RPTOR: variants seen among roughly 807,000 people sequenced by gnomAD.
RPTOR encodes the protein regulatory associated protein of MTOR complex 1.
A neutral mutation model predicts 169.9 loss-of-function variants in RPTOR; 21 were observed. That is an observed-to-expected ratio of 0.12 (90% confidence interval 0.09 to 0.18). The LOEUF is 0.18. Ranked by LOEUF, RPTOR falls within the 10% of genes least tolerant of loss-of-function variation. The pLI is 1.00. For synonymous variants in RPTOR, 732 were observed against 753.2 expected, an observed-to-expected ratio of 0.97 and a Z score of 0.46; for missense variants, 1,133 against 1,855.9, an observed-to-expected ratio of 0.61 and a Z score of 7.16.
At chr17:80,717,251 C>T (rs954069395) in intron 4 of RPTOR, among the ~76,000 whole-genome samples, 1 of 152,096 alleles carries the variant, frequency 6.6e-6, no homozygotes, top group Non-Finnish European at 1.5e-5. Context: ...ACAGCTTTTT[C>T]CCAGTCTTAT....
At chr17:80,606,631 T>G (rs1004322068) in intron 1 of RPTOR, among the ~76,000 whole-genome samples, 2 of 152,174 alleles carry the variant, frequency 1.3e-5, no homozygotes, top group African/African-American at 4.8e-5. Flanking sequence ...ATTTTTCTGA[T>G]TTTTGTTTTA....
intron 3 of RPTOR, among the ~76,000 whole-genome samples, chr17:80,662,352 A>G (rs1435169862): frequency 6.6e-6 from 1 of 152,232 alleles, no homozygotes; most frequent in Non-Finnish European, 1.5e-5. Context: ...GAAAGAATTT[A>G]ACTCAAAGCC....
chr17:80,836,823 G>A (rs2067569395), intron 9 of RPTOR, among the ~76,000 whole-genome samples: 1 of 152,208 alleles, frequency 6.6e-6, no homozygotes. Context: ...TAAGGCTGTT[G>A]CCTACACCTG....
At chr17:80,605,474 A>G (rs2065221956) in intron 1 of RPTOR, among the ~76,000 whole-genome samples, 1 of 152,136 alleles carries the variant, frequency 6.6e-6, no homozygotes, top group Non-Finnish European at 1.5e-5. Flanking sequence ...TTTTTCCGTT[A>G]CTGTGTCCGT....
At chr17:80,665,423 C>T (rs1172697634) in intron 3 of RPTOR, among the ~76,000 whole-genome samples, 2 of 12,270 alleles carry the variant, frequency 1.6e-4, no homozygotes, top group African/African-American at 1.0e-3. Flanking sequence ...CTTTCCTTTC[C>T]TTTCCTTTCC....
chr17:80,697,680 C>G (rs746421418), intron 3 of RPTOR, among the ~76,000 whole-genome samples: 12 of 152,214 alleles, frequency 7.9e-5, no homozygotes, highest in Non-Finnish European at 1.3e-4. Flanking sequence ...GAGAGATTAG[C>G]CACGGTGGGA....
At chr17:80,553,790 G>A (rs1323623704) in intron 1 of RPTOR, among the ~76,000 whole-genome samples, 1 of 151,166 alleles carries the variant, frequency 6.6e-6, no homozygotes, top group Non-Finnish European at 1.5e-5. Flanking sequence ...TGCCCAGGTT[G>A]GAGTGCAGTG....
chr17:80,685,624 TATA>T lies in RPTOR; in HGVS notation c.349-22216_349-22214del, dbSNP rs1392562914. Among the ~76,000 whole-genome samples, 77 of 34,914 alleles carry T rather than the reference TATA, an allele frequency of 2.2e-3. 1 individual carries two copies. Among genetic ancestry groups the T allele is most frequent in the East Asian group, 0.018 (17 of 934 alleles). The allele number at this position is 34,914 out of a possible 152,430, so 22.9% of individuals were successfully genotyped here. ...TTCCATATATATATATATATATATA[TATA>T]TTTTTTTTTTTTTTTTTTTTTTTTT... is the stretch of plus-strand genomic sequence containing the variant. On this transcript the variant is annotated intron_variant, in intron 3 of 33. Transcript: ENST00000306801.
At chr17:80,737,453 G>T (rs529639365) in intron 5 of RPTOR, among the ~76,000 whole-genome samples, 24 of 152,256 alleles carry the variant, frequency 1.6e-4, no homozygotes, top group Admixed American at 8.5e-4. Flanking sequence ...GGGGGGCGGT[G>T]GTGGAGGATC....
chr17:80,778,786 G>C (rs1021203097), intron 6 of RPTOR, among the ~76,000 whole-genome samples: 3 of 152,188 alleles, frequency 2.0e-5, no homozygotes, highest in African/African-American at 7.2e-5. Context: ...ACAGCAGAGT[G>C]GGGCAAGACC....
At chr17:80,579,301 C>G (rs2064994191) in intron 1 of RPTOR, among the ~76,000 whole-genome samples, 1 of 152,192 alleles carries the variant, frequency 6.6e-6, no homozygotes. Flanking sequence ...TCAAGCGATT[C>G]TTCTGCCTCA....
Position 80,939,031 on chromosome 17 carries a change from G to A in RPTOR, c.2920-1465G>A, listed in dbSNP as rs371111379. ...TCCCATTTCTTCTATCAGAGAAAGC[G>A]ACTTTTTAATAACTAATGCAGGCTC... On this transcript the variant is annotated intron_variant, in intron 24 of 33. Transcript: ENST00000306801. Among the ~76,000 whole-genome samples, 75 of 152,336 alleles carry A rather than the reference G, an allele frequency of 4.9e-4. No homozygotes were observed. In the East Asian group the frequency reaches 9.1e-3, roughly 18 times the overall value.
At chr17:80,755,299 G>T (rs1434521664) in intron 6 of RPTOR, among the ~76,000 whole-genome samples, 1 of 152,166 alleles carries the variant, frequency 6.6e-6, no homozygotes. Context: ...CCCCAAAATA[G>T]TTGGAGATGA....
chr17:80,634,519 G>A (rs1437380303), intron 2 of RPTOR, among the ~76,000 whole-genome samples: 9 of 144,066 alleles, frequency 6.2e-5, no homozygotes, highest in African/African-American at 2.1e-4. Flanking sequence ...GTGTGTGTGT[G>A]CGTACTGTGT....
intron 4 of RPTOR, among the ~76,000 whole-genome samples, chr17:80,709,328 C>T (rs557015788): frequency 6.6e-6 from 1 of 152,364 alleles, no homozygotes; most frequent in East Asian, 1.9e-4. Context: ...GCAGTCTCTC[C>T]TTTCCCTGCC....
At chr17:80,655,042 T>A (rs930659615) in intron 3 of RPTOR, among the ~76,000 whole-genome samples, 1 of 152,256 alleles carries the variant, frequency 6.6e-6, no homozygotes, top group Non-Finnish European at 1.5e-5. Flanking sequence ...CACAAAATTA[T>A]TGAAGACTTC....
At chr17:80,741,539 T>C (rs1258207416) in intron 5 of RPTOR, among the ~76,000 whole-genome samples, 1 of 152,144 alleles carries the variant, frequency 6.6e-6, no homozygotes, top group Non-Finnish European at 1.5e-5. Flanking sequence ...AGGAGGACCA[T>C]GAGGCTGGAG....
intron 1 of RPTOR, among the ~76,000 whole-genome samples, chr17:80,577,552 T>C (rs982243392): frequency 6.6e-6 from 1 of 152,202 alleles, no homozygotes; most frequent in African/African-American, 2.4e-5. Flanking sequence ...ATGCTGGCAT[T>C]AGAGGCGTGA....
chr17:80,828,479 G>T (rs1473222961), intron 9 of RPTOR, among the ~76,000 whole-genome samples: 1 of 152,218 alleles, frequency 6.6e-6, no homozygotes, highest in Admixed American at 6.5e-5. Context: ...ACGCTTCGAT[G>T]CCTGGCCGAG....
Sources: gnomAD v4.1 joint callset for allele counts (sites outside exome capture counted in the v4.1 genomes callset) on GRCh38, gnomAD v4.1.1 for gene constraint, MANE v1.5 for transcripts, NCBI Gene and HGNC (gene_info 2026-07-23, HGNC 2026-07-21) for gene names.